The following DPP6 variants were observed in gnomAD, a reference collection of about 807,000 sequenced individuals.
DPP6 encodes A-type potassium channel modulatory protein DPP6.
DPP6 carries 69 observed loss-of-function variants against 122.6 expected under a neutral mutation model. The ratio of observed to expected loss-of-function variants is 0.56; its 90% CI spans 0.46 to 0.69. The LOEUF (loss-of-function observed/expected upper bound fraction) is 0.69. DPP6 is among the 30% of genes least tolerant of loss of function. The pLI is 0.00. For synonymous variants in DPP6, 418 were observed against 433.1 expected, an observed-to-expected ratio of 0.97 and a Z score of 0.43; for missense variants, 928 against 1,116.9, an observed-to-expected ratio of 0.83 and a Z score of 2.41.
the DPP6 span, among the ~76,000 whole-genome samples, chr7:153,785,377 T>A: frequency 6.6e-6 from 1 of 152,216 alleles, no homozygotes; most frequent in Non-Finnish European, 1.5e-5. Flanking sequence ...GAACAGGGTC[T>A]GGCACAAGGG....
chr7:154,249,467 A>T (rs1802209416), intron 1 of DPP6, among the ~76,000 whole-genome samples: 1 of 152,244 alleles, frequency 6.6e-6, no homozygotes, highest in African/African-American at 2.4e-5. Context: ...TCTTGCAAAC[A>T]TCCGGTGTTC....
rs532083481 is a variant in DPP6, at chr7:154,013,358, C to A, written c.51+125624C>A. Among the ~76,000 whole-genome samples, 267 of 152,004 alleles carry A rather than the reference C, an allele frequency of 1.8e-3. 2 individuals carry two copies. Among genetic ancestry groups the A allele is most frequent in the African/African-American group, 6.2e-3 (256 of 41,472 alleles). ...TAGATGTATTTAACCACTTTGTTGC[C>A]ATGTTTAAATTTTTATGGGGAGAAG... On this transcript the variant is annotated intron_variant, in intron 1 of 25. Coordinates refer to the DPP6 transcript ENST00000404039.
At chr7:154,650,556 C>A (rs951645421) in intron 6 of DPP6, among the ~76,000 whole-genome samples, 1 of 152,100 alleles carries the variant, frequency 6.6e-6, no homozygotes, top group Non-Finnish European at 1.5e-5. Context: ...GCCTTAATTC[C>A]AAAGTGAGGG....
intron 4 of DPP6, among the ~76,000 whole-genome samples, chr7:154,561,158 T>C (rs1459575195): frequency 6.6e-6 from 1 of 152,208 alleles, no homozygotes; most frequent in Non-Finnish European, 1.5e-5. Context: ...ATTTAAGTTG[T>C]AGATCCCAAC....
In DPP6 at chr7:154,810,414, G is replaced by A. The variant is rs151333101; in HGVS notation, c.1666+3302G>A. 6.7e-4 allele frequency among the ~76,000 whole-genome samples: 102 copies of A among 152,322 alleles called. No homozygotes were observed. The East Asian group carries it at 0.018, about 27-fold the overall frequency. On this transcript the variant is annotated intron_variant, in intron 16 of 25. Coordinates refer to ENST00000377770, the MANE Select transcript of DPP6 (RefSeq NM_130797.4). Reference sequence around the variant, plus strand: ...GTGGTAGATAGAAACACAGCCTGGTGTTGGGAGGCTGCTTGGACAGAGTGT... The same window carrying A: ...GTGGTAGATAGAAACACAGCCTGGTATTGGGAGGCTGCTTGGACAGAGTGT...
chr7:154,648,333 A>G (rs1283331948), intron 6 of DPP6, among the ~76,000 whole-genome samples: 2 of 151,280 alleles, frequency 1.3e-5, no homozygotes, highest in Non-Finnish European at 2.9e-5. Flanking sequence ...CTGGGGATGG[A>G]TAGGGAAAGG....
rs535862485 is a variant in DPP6 at position 154,121,380 on chromosome 7, C to T, written c.243+68317C>T. ...TGTAGGTTGTGGATTCGAGATCTTT[C>T]TTCCTTCTTAATATAAATGTTTACG... On this transcript the variant is annotated intron_variant, in intron 1 of 25. Coordinates refer to ENST00000377770, the MANE Select transcript of DPP6 (RefSeq NM_130797.4). Among the ~76,000 whole-genome samples the T allele has an allele frequency of 2.8e-4, 43 of 152,094 alleles. 1 individual carries two copies. Among genetic ancestry groups the T allele is most frequent in the South Asian group, 1.7e-3 (8 of 4,812 alleles).
At chr7:154,090,895 C>T (rs947439634) in intron 1 of DPP6, among the ~76,000 whole-genome samples, 50 of 148,900 alleles carry the variant, frequency 3.4e-4, no homozygotes, top group African/African-American at 9.4e-4. Context: ...CCGAGGCGGG[C>T]GGATCACAAA....
chr7:154,727,417 G>C (rs1474986108), intron 7 of DPP6, among the ~76,000 whole-genome samples: 1 of 152,172 alleles, frequency 6.6e-6, no homozygotes, highest in Non-Finnish European at 1.5e-5. Flanking sequence ...CTCCTACCAG[G>C]CTCAGCCTCC....
intron 1 of DPP6, among the ~76,000 whole-genome samples, chr7:154,260,058 C>A (rs1416718131): frequency 1.3e-5 from 2 of 152,030 alleles, no homozygotes; most frequent in African/African-American, 4.8e-5. Context: ...ATGTGAATCC[C>A]GAGGTGCCCA....
chr7:153,881,916 A>G, the DPP6 span, among the ~76,000 whole-genome samples: 1 of 152,206 alleles, frequency 6.6e-6, no homozygotes, highest in African/African-American at 2.4e-5. Flanking sequence ...GTATTCCTGT[A>G]TCATATTTGT....
At chr7:154,631,092 A>G (rs1313108740) in intron 5 of DPP6, among the ~76,000 whole-genome samples, 3 of 152,250 alleles carry the variant, frequency 2.0e-5, no homozygotes, top group Non-Finnish European at 4.4e-5. Flanking sequence ...TTTAGAACTC[A>G]GAAGATACAT....
At chr7:154,610,107 C>T (rs1373136752) in intron 5 of DPP6, among the ~76,000 whole-genome samples, 2 of 151,996 alleles carry the variant, frequency 1.3e-5, no homozygotes, top group African/African-American at 4.8e-5. Context: ...AGTCTCTGAC[C>T]CCTGGAAGAG....
At chr7:154,769,356 T>C in intron 8 of DPP6, 61 bp from the exon 9 acceptor site, 1 of 1,602,874 alleles carries the variant, frequency 6.2e-7, no homozygotes. Context: ...TTCCTGCTGG[T>C]GCAGCTCCAA....
chr7:153,772,784 A>G, the DPP6 span, among the ~76,000 whole-genome samples: 3 of 148,860 alleles, frequency 2.0e-5, no homozygotes, highest in South Asian at 6.3e-4. Context: ...ATTAACACAA[A>G]GAAGCTGGAG....
chr7:154,869,055 C>T (rs1384912517), intron 18 of DPP6, among the ~76,000 whole-genome samples: 1 of 152,172 alleles, frequency 6.6e-6, no homozygotes, highest in African/African-American at 2.4e-5. Flanking sequence ...TGCAGGAGCT[C>T]TTTGTTGAAA....
In DPP6 at chr7:154,587,504, A is replaced by G; in HGVS notation, c.627+20588A>G. 4.9e-6 allele frequency: 4 copies of G among 813,354 alleles called. No homozygotes were observed. The South Asian group carries it at 5.4e-5, about 11-fold the overall frequency. 50.4% of individuals were successfully genotyped at this position (813,354 alleles called of 1,614,324 possible). ...GACACAGCTTCATGCAAAATATTGT[A>G]CCTCTGCTTGAAGACCCAATGTGAA... On this transcript the variant is annotated intron_variant, in intron 5 of 25. Transcript: ENST00000377770.
At chr7:154,267,557 A>G (rs1038239812) in intron 1 of DPP6, among the ~76,000 whole-genome samples, 7 of 151,182 alleles carry the variant, frequency 4.6e-5, no homozygotes, top group African/African-American at 7.3e-5. Flanking sequence ...ATAAACACAT[A>G]TACACACATG....
intron 2 of DPP6, among the ~76,000 whole-genome samples, chr7:154,459,821 A>G (rs1020170845): frequency 3.5e-5 from 5 of 143,990 alleles, no homozygotes; most frequent in Non-Finnish European, 6.3e-5. Context: ...AAAAAAAAAA[A>G]AAAGAAAAGA....
Sources: allele counts gnomAD v4.1 joint callset (sites outside exome capture counted in the v4.1 genomes callset), GRCh38; gene constraint gnomAD v4.1.1; transcripts MANE v1.5; gene names NCBI Gene and HGNC (gene_info 2026-07-23, HGNC 2026-07-21).